TMEM151B: variants seen among roughly 807,000 people sequenced by gnomAD.
The protein encoded by TMEM151B is transmembrane protein 151B.
Under a neutral mutation model 33.0 loss-of-function variants are expected in TMEM151B, and 18 were observed. The observed-to-expected ratio is 0.55, with a 90% CI of 0.38 to 0.81. The LOEUF (loss-of-function observed/expected upper bound fraction) is 0.81. TMEM151B is among the 30% of genes least tolerant of loss of function. The pLI is 0.00. For synonymous variants in TMEM151B, 354 were observed against 373.6 expected, an observed-to-expected ratio of 0.95 and a Z score of 0.61; for missense variants, 672 against 843.4, an observed-to-expected ratio of 0.80 and a Z score of 2.52.
chr6:44,275,919 G>T lies in TMEM151B; in HGVS notation c.1093G>T (p.Val365Phe). ...CCCGCTCACCCACCGCCTGCCGCGG[G>T]TCAACACAGTAGACAGCACGGAGCT... ...LPPLTHRLPR[V>F]NTVDSTELEW... The change falls in exon 3 of 3, where the codon GTC (valine) becomes TTC (phenylalanine). Residue 365 changes from valine to phenylalanine, a missense_variant. Physicochemically the swap from Val to Phe is conservative, Grantham distance 50. Transcript: ENST00000451188. 2 of 1,526,550 alleles carry T rather than the reference G, an allele frequency of 1.3e-6. No individual in the cohort carries two copies. The highest frequency in any genetic ancestry group is 1.8e-6 in the Non-Finnish European group (2 of 1,135,414). 94.6% of individuals were successfully genotyped at this position (1,526,550 alleles called of 1,614,324 possible). A position where few individuals can be genotyped will look rare whatever the true frequency, so the allele number is the denominator to read the frequency against.
chr6:44,272,065 C>T (rs1782382259), intron 1 of TMEM151B, among the ~76,000 whole-genome samples: 1 of 152,124 alleles, frequency 6.6e-6, no homozygotes. Context: ...AGCATGGGCC[C>T]TCAGGAGTAC....
At chr6:44,272,458 T>C (rs552672773) in intron 1 of TMEM151B, among the ~76,000 whole-genome samples, 2 of 151,748 alleles carry the variant, frequency 1.3e-5, no homozygotes, top group Non-Finnish European at 2.9e-5. Flanking sequence ...CCAAAGGACG[T>C]GTTAGGCTAA....
At position 44,275,273 on chromosome 6, in the gene TMEM151B, C is replaced by A. The variant is rs1782532392; in HGVS notation, c.577-130C>A. The A allele has an allele frequency of 5.6e-6, 8 of 1,424,106 alleles. No homozygotes were observed. In the South Asian group the frequency reaches 1.1e-4, roughly 19 times the overall value. The allele number at this position is 1,424,106 out of a possible 1,614,324, so 88.2% of individuals were successfully genotyped here. A position where few individuals can be genotyped will look rare whatever the true frequency, so the allele number is the denominator to read the frequency against. On this transcript the variant is annotated intron_variant, in intron 2 of 2. Coordinates refer to ENST00000451188, the MANE Select transcript of TMEM151B (RefSeq NM_001137560.2). ...GATCCTAACCAGCTCCAGCCGGCAC[C>A]TAAACCAAGACAGACTTAGGGTCCG...
chr6:44,275,315 A>C (rs1782534368), intron 2 of TMEM151B, 88 bp from the exon 3 acceptor site: 1 of 1,436,190 alleles, frequency 7.0e-7, no homozygotes, highest in Non-Finnish European at 9.1e-7. Flanking sequence ...CAACCAGAGC[A>C]CAGATGGGGC....
rs1205610469 is a variant in TMEM151B at position 44,277,163 on chromosome 6, CTGT to C, written c.*641_*643del. The C allele has an allele frequency of 6.6e-6, 1 of 152,534 alleles. No individual in the cohort carries two copies. Among genetic ancestry groups the C allele is most frequent in the East Asian group, 1.9e-4 (1 of 5,216 alleles). The allele number at this position is 152,534 out of a possible 1,614,324, so 9.4% of individuals were successfully genotyped here. On this transcript the variant is annotated 3_prime_UTR_variant, in exon 3 of 3. Coordinates refer to ENST00000451188, the MANE Select transcript of TMEM151B (RefSeq NM_001137560.2). ...GGTTTCCTTTCTGCCGCTCCCTCCA[CTGT>C]TGTTTATCTAACTGGGCCCCCACTC... is the stretch of plus-strand genomic sequence containing the variant.
chr6:44,272,989 G>A lies in TMEM151B; in HGVS notation c.136-77G>A, dbSNP rs530012577. 6.0e-4 allele frequency: 745 copies of A among 1,250,934 alleles called. 1 individual carries two copies. The African/African-American group carries it at 9.7e-3, about 16-fold the overall frequency. The allele number at this position is 1,250,934 out of a possible 1,614,324, so 77.5% of individuals were successfully genotyped here. A position where few individuals can be genotyped will look rare whatever the true frequency, so the allele number is the denominator to read the frequency against. On this transcript the variant is annotated intron_variant, in intron 1 of 2. Coordinates refer to ENST00000451188, the MANE Select transcript of TMEM151B (RefSeq NM_001137560.2). ...TGCTGGCCTCTGCCCCTCCATCCCC[G>A]TATCCATCTCTGTGCTGGGTCCTGC... is the stretch of plus-strand genomic sequence containing the variant.
chr6:44,273,726 A>G (rs1561917468), intron 2 of TMEM151B, among the ~76,000 whole-genome samples: 2 of 152,242 alleles, frequency 1.3e-5, no homozygotes, highest in Non-Finnish European at 2.9e-5. Flanking sequence ...TACACACATC[A>G]AATCATTTAT....
intron 2 of TMEM151B, among the ~76,000 whole-genome samples, chr6:44,274,108 A>G (rs1482159226): frequency 6.6e-6 from 1 of 152,150 alleles, no homozygotes; most frequent in Non-Finnish European, 1.5e-5. Flanking sequence ...CCGGCTACTC[A>G]GGAAACTGAG....
At chr6:44,275,368 C>A (rs1231643184) in intron 2 of TMEM151B, 35 bp from the exon 3 acceptor site, 1 of 1,464,542 alleles carries the variant, frequency 6.8e-7, no homozygotes, top group Non-Finnish European at 9.0e-7. Flanking sequence ...ATGACGGGCT[C>A]CCCGCGACCC....
rs1298611189 is a variant in TMEM151B at position 44,277,092 on chromosome 6, C to T, written c.*565C>T. On this transcript the variant is annotated 3_prime_UTR_variant, in exon 3 of 3. Transcript: ENST00000451188. The stretch of plus-strand genomic sequence containing the variant: ...TCAGCCCTAGGCCTCCATCCAACAC[C>T]GTGGAAATGTTGCTGCCCTCTTCTT... The T allele has an allele frequency of 6.6e-6, 1 of 152,372 alleles. No homozygotes were observed. The highest frequency in any genetic ancestry group is 2.4e-5 in the African/African-American group (1 of 41,456). The allele number at this position is 152,372 out of a possible 1,614,324, so 9.4% of individuals were successfully genotyped here.
In TMEM151B at chr6:44,278,635, C is replaced by A. The variant is rs1237016520; in HGVS notation, c.*2108C>A. 1 of 152,062 alleles carries A rather than the reference C, an allele frequency of 6.6e-6. No homozygotes were observed. Among genetic ancestry groups the A allele is most frequent in the Non-Finnish European group, 1.5e-5 (1 of 68,020 alleles). 9.4% of individuals were successfully genotyped at this position (152,062 alleles called of 1,614,324 possible). ...TGGTCTCACAAGAGGGGAAGGGGGA[C>A]CTCTATTATTATTTTTGCCTGTATT... On this transcript the variant is annotated 3_prime_UTR_variant, in exon 3 of 3. Coordinates refer to ENST00000451188, the MANE Select transcript of TMEM151B (RefSeq NM_001137560.2).
In TMEM151B at chr6:44,277,268, G is replaced by A. The variant is rs952669364; in HGVS notation, c.*741G>A. 2.0e-5 allele frequency: 3 copies of A among 152,332 alleles called. No individual in the cohort carries two copies. Among genetic ancestry groups the A allele is most frequent in the Admixed American group, 6.5e-5 (1 of 15,280 alleles). 9.4% of individuals were successfully genotyped at this position (152,332 alleles called of 1,614,324 possible). A position where few individuals can be genotyped will look rare whatever the true frequency, so the allele number is the denominator to read the frequency against. Reference sequence around the variant, plus strand: ...CCCAGTCCTGCAGAGCTGTTGCCAGGGTGCAGTGGGGAGGGGAGTGAAATG... The same window carrying A: ...CCCAGTCCTGCAGAGCTGTTGCCAGAGTGCAGTGGGGAGGGGAGTGAAATG... On this transcript the variant is annotated 3_prime_UTR_variant, in exon 3 of 3. Coordinates refer to ENST00000451188, the MANE Select transcript of TMEM151B (RefSeq NM_001137560.2).
chr6:44,270,838 GGCA>G lies in TMEM151B; in HGVS notation c.99_101del (p.Ala37del). 1 of 1,127,532 alleles carries G rather than the reference GGCA, an allele frequency of 8.9e-7. No individual in the cohort carries two copies. The highest frequency in any genetic ancestry group is 4.3e-5 in the South Asian group (1 of 23,388). The allele number at this position is 1,127,532 out of a possible 1,614,324, so 69.8% of individuals were successfully genotyped here. A position where few individuals can be genotyped will look rare whatever the true frequency, so the allele number is the denominator to read the frequency against. Reference sequence around the variant, plus strand: ...TCTCGGAGGAGCTCACGGCGGCGGCGGCAGCGGCGGCGGCGGACGAGGGCCCCG... The same window carrying G: ...TCTCGGAGGAGCTCACGGCGGCGGCGGCGGCGGCGGCGGACGAGGGCCCCG... On this transcript the variant is annotated inframe_deletion, in exon 1 of 3. Transcript: ENST00000451188.
intron 1 of TMEM151B, among the ~76,000 whole-genome samples, chr6:44,271,989 A>C (rs1470197932): frequency 6.6e-6 from 1 of 151,742 alleles, no homozygotes; most frequent in Non-Finnish European, 1.5e-5. Context: ...TAAACTCAAC[A>C]CTCAATTAGG....
chr6:44,272,889 C>T (rs558641545), intron 1 of TMEM151B, among the ~76,000 whole-genome samples, 177 bp from the exon 2 acceptor site: 100 of 152,276 alleles, frequency 6.6e-4, no homozygotes, highest in Middle Eastern at 3.4e-3. Context: ...CTGTTTCTAC[C>T]TCTGGCCCCT....
chr6:44,276,793 A>C lies in TMEM151B; in HGVS notation c.*266A>C. On this transcript the variant is annotated 3_prime_UTR_variant, in exon 3 of 3. Transcript: ENST00000451188. ...TTCCAGCCCCAACCCTGAGTTCCTAAAGGGACACCTCCCTCCTGTCCAGCC... is the reference window on the plus strand; with the variant it reads ...TTCCAGCCCCAACCCTGAGTTCCTACAGGGACACCTCCCTCCTGTCCAGCC... The C allele has an allele frequency of 5.9e-6, 3 of 510,200 alleles. No homozygotes were observed. The highest frequency in any genetic ancestry group is 8.1e-5 in the East Asian group (2 of 24,750). The allele number at this position is 510,200 out of a possible 1,614,324, so 31.6% of individuals were successfully genotyped here.
rs1338205653 is a variant in TMEM151B, at chr6:44,276,251, G to C, written c.1425G>C (p.Ser475=). 1 of 1,317,518 alleles carries C rather than the reference G, an allele frequency of 7.6e-7. No individual in the cohort carries two copies. Among genetic ancestry groups the C allele is most frequent in the African/African-American group, 1.5e-5 (1 of 64,862 alleles). The allele number at this position is 1,317,518 out of a possible 1,614,324, so 81.6% of individuals were successfully genotyped here. Residue 475 remains serine (S), a synonymous_variant, in exon 3 of 3, where the codon TCG becomes TCC. Transcript: ENST00000451188. ...CGGGCTGCGGGGGCAGCCGCTTCTC[G>C]CTGGGCCGTCTCTACGGCTCCCGGC... ...GGAGCGGSRF[S]LGRLYGSRRS...
In TMEM151B at chr6:44,275,403, G is replaced by A. The variant is rs779573037; in HGVS notation, c.577G>A (p.Val193Ile). 4.0e-6 allele frequency: 6 copies of A among 1,513,070 alleles called. No individual in the cohort carries two copies. The South Asian group carries it at 6.2e-5, about 16-fold the overall frequency. The allele number at this position is 1,513,070 out of a possible 1,614,324, so 93.7% of individuals were successfully genotyped here. A position where few individuals can be genotyped will look rare whatever the true frequency, so the allele number is the denominator to read the frequency against. ...CCGCCGCCTGCCCCCCGCGCCGCAGGTCTACCACGAACGCGTCAACACGCA... is the reference window on the plus strand; with the variant it reads ...CCGCCGCCTGCCCCCCGCGCCGCAGATCTACCACGAACGCGTCAACACGCA... ...RNGDAYTTTQ[V>I]YHERVNTHVA... The change falls in exon 3 of 3, where the codon GTC (valine) becomes ATC (isoleucine). Residue 193 changes from valine (V) to isoleucine (I), a missense_variant and splice_region_variant. By Grantham distance (29) the Val-to-Ile change is conservative (BLOSUM62 3). Transcript: ENST00000451188.
chr6:44,274,402 A>G (rs2153337797), intron 2 of TMEM151B, among the ~76,000 whole-genome samples: 1 of 152,230 alleles, frequency 6.6e-6, no homozygotes, highest in African/African-American at 2.4e-5. Context: ...TGTCAAGTTC[A>G]AGGGTCTAAG....
Sources: gnomAD v4.1 joint callset for allele counts (sites outside exome capture counted in the v4.1 genomes callset) on GRCh38, gnomAD v4.1.1 for gene constraint, MANE v1.5 for transcripts, NCBI Gene and HGNC (gene_info 2026-07-23, HGNC 2026-07-21) for gene names.